Variants in SLC34A1 observed in about 807,000 individuals in gnomAD.
SLC34A1 encodes the protein sodium-dependent phosphate transport protein 2A.
A neutral mutation model predicts 51.4 loss-of-function variants in SLC34A1; 57 were observed. That is an observed-to-expected ratio of 1.11 (90% CI 0.90 to 1.38). The LOEUF is 1.38. Among genes scored for constraint, SLC34A1 ranks in the 40% most tolerant of loss-of-function variants. The pLI, the probability that SLC34A1 is intolerant of heterozygous loss-of-function variation, is 0.00. For missense variants in SLC34A1, 796 were observed against 835.6 expected (o/e 0.95, Z 0.58); for synonymous variants, 368 against 358.0 (o/e 1.03, Z -0.32).
At chr5:177,397,750 C>T (rs1763017613) in intron 12 of SLC34A1, 33 bp from the exon 13 acceptor site, 2 of 1,602,480 alleles carry the variant, frequency 1.2e-6, no homozygotes, top group South Asian at 2.2e-5. Context: ...GGAGCCAGTG[C>T]CCATCTCAGC....
At chr5:177,390,065 A>C in intron 8 of SLC34A1, 1 of 1,170,622 alleles carries the variant, frequency 8.5e-7, no homozygotes, top group Non-Finnish European at 1.1e-6. Flanking sequence ...CAAAGTGTGA[A>C]GTGCGTCCTG....
At chr5:177,397,401 C>G (rs1265743682) in intron 12 of SLC34A1, 1 of 487,790 alleles carries the variant, frequency 2.1e-6, no homozygotes, top group East Asian at 4.0e-5. Flanking sequence ...CCGCAAATGG[C>G]AAAGGGGAAT....
intron 10 of SLC34A1, among the ~76,000 whole-genome samples, chr5:177,395,805 T>C (rs1402946583): frequency 2.6e-5 from 4 of 152,234 alleles, no homozygotes; most frequent in Non-Finnish European, 5.9e-5. Context: ...AGCTAATTTT[T>C]GTATTTTTAG....
Position 177,388,499 on chromosome 5 carries a change from T to G in SLC34A1, c.936+127T>G. ...CCAGGAGAGGGCAAATATGTGGCCC[T>G]TCTACTGTGCTTACAGTTAACATTG... is the stretch of plus-strand genomic sequence containing the variant. On this transcript the variant is annotated intron_variant, in intron 8 of 12. Coordinates refer to ENST00000324417, the MANE Select transcript of SLC34A1 (RefSeq NM_003052.5). This position sits in a 1 kb window ranked among gnomAD's most constrained non-coding sequence, Gnocchi z 4.3. 2.5e-6 allele frequency: 2 copies of G among 795,962 alleles called. No individual in the cohort carries two copies. Among genetic ancestry groups the G allele is most frequent in the Non-Finnish European group, 4.3e-6 (2 of 466,706 alleles). The allele number at this position is 795,962 out of a possible 1,614,324, so 49.3% of individuals were successfully genotyped here.
Position 177,397,808 on chromosome 5 carries a change from A to C in SLC34A1, c.1442A>C (p.Asn481Thr). 6.2e-7 allele frequency: 1 copy of C among 1,612,050 alleles called. No homozygotes were observed. The highest frequency in any genetic ancestry group is 8.5e-7 in the Non-Finnish European group (1 of 1,179,984). Reference sequence around the variant, plus strand: ...ATTGCCCTCTGTCACTTCTTCTTCAACATCTCGGGTATCCTTCTGTGGTAC... The same window carrying C: ...ATTGCCCTCTGTCACTTCTTCTTCACCATCTCGGGTATCCTTCTGTGGTAC... ...FQIALCHFFF[N>T]ISGILLWYPV... Residue 481 changes from asparagine to threonine, a missense_variant, in exon 13 of 13, where the codon AAC becomes ACC. Physicochemically the swap from Asn to Thr is moderately conservative, Grantham distance 65 (BLOSUM62 0). Transcript: ENST00000324417.
chr5:177,397,050 G>T lies in SLC34A1; in HGVS notation c.1392G>T (p.Arg464Ser). Residue 464 changes from arginine to serine, a missense_variant, in exon 12 of 13, where the codon AGG becomes AGT. Physicochemically the swap from Arg to Ser is moderately radical, Grantham distance 110 (BLOSUM62 -1). Transcript: ENST00000324417. ...TAILAALASP[R>S]EKLSSAFQIA... is the part of the protein sequence containing the mutation. The stretch of plus-strand genomic sequence containing the variant: ...TCCTGGCTGCCCTGGCCAGCCCCAG[G>T]GAGAAGCTGTCCAGCGCTTTCCAGG... The T allele has an allele frequency of 1.9e-6, 3 of 1,613,802 alleles. No homozygotes were observed. The highest frequency in any genetic ancestry group is 2.5e-6 in the Non-Finnish European group (3 of 1,180,022).
In SLC34A1 at chr5:177,386,232, G is replaced by T. The variant is rs1183395809; in HGVS notation, c.271G>T (p.Val91Phe). 6.5e-7 allele frequency: 1 copy of T among 1,544,044 alleles called. No homozygotes were observed. The highest frequency in any genetic ancestry group is 8.9e-7 in the Non-Finnish European group (1 of 1,119,830). ...CTTCCCCCATCCAGAGTCCAGGCTG[G>T]TCCCCAAGCTGCGCCAGGCTGGCGC... ...EEEQKPESRLVPKLRQAGAML... is the reference protein window; with the variant it reads ...EEEQKPESRLFPKLRQAGAML... The change falls in exon 4 of 13, where the codon GTC becomes TTC. Residue 91 changes from valine to phenylalanine, a missense_variant. Coordinates refer to ENST00000324417, the MANE Select transcript of SLC34A1 (RefSeq NM_003052.5). This position sits in a 1 kb window ranked among gnomAD's most constrained non-coding sequence, Gnocchi z 4.8.
Position 177,397,987 on chromosome 5 carries a change from A to T in SLC34A1, c.1621A>T (p.Met541Leu), listed in dbSNP as rs959357802. 5.6e-6 allele frequency: 9 copies of T among 1,613,984 alleles called. No individual in the cohort carries two copies. The highest frequency in any genetic ancestry group is 7.6e-6 in the Non-Finnish European group (9 of 1,180,026). The change falls in exon 13 of 13, where the codon ATG becomes TTG. Residue 541 changes from methionine to leucine, a missense_variant. Met to Leu is a conservative substitution (Grantham distance 15). Transcript: ENST00000324417. ...CATCTCCATGGCAGGCTGGCAGGTC[A>T]TGGTAGGTGTGGGCACGCCCTTCGG... ...FGISMAGWQV[M>L]VGVGTPFGAL...
intron 10 of SLC34A1, among the ~76,000 whole-genome samples, chr5:177,395,549 C>T (rs1170164958): frequency 1.3e-5 from 2 of 152,188 alleles, no homozygotes; most frequent in African/African-American, 2.4e-5. Context: ...TCTCCAGGCT[C>T]TGCTCAGAGC....
Position 177,385,984 on chromosome 5 carries a change from T to C in SLC34A1, c.110-3T>C, listed in dbSNP as rs1256675178. 2 of 1,609,518 alleles carry C rather than the reference T, an allele frequency of 1.2e-6. No individual in the cohort carries two copies. Among genetic ancestry groups the C allele is most frequent in the Non-Finnish European group, 1.7e-6 (2 of 1,178,964 alleles). ...GGGGCTCCTGACCAGGCTCCCTCCC[T>C]AGTCCTACACAGGATCCCGGGGACC... is the stretch of plus-strand genomic sequence containing the variant. On this transcript the variant is annotated splice_polypyrimidine_tract_variant and splice_region_variant and intron_variant, in intron 2 of 12. Transcript: ENST00000324417.
rs747077250 is a variant in SLC34A1 at position 177,394,069 on chromosome 5, G to A, written c.1048G>A (p.Val350Met). ...FVDTGLPDLAVGLILLAGSLV... is the reference protein window; with the variant it reads ...FVDTGLPDLAMGLILLAGSLV... ...GGACACTGGCCTACCGGACCTGGCT[G>A]TGGGGCTCATCCTGCTGGCAGGATC... is the stretch of plus-strand genomic sequence containing the variant. Residue 350 changes from valine (V) to methionine (M), a missense_variant, in exon 10 of 13, where the codon GTG (valine) becomes ATG (methionine). Val to Met is a conservative substitution (Grantham distance 21, BLOSUM62 1). Coordinates refer to ENST00000324417, the MANE Select transcript of SLC34A1 (RefSeq NM_003052.5). 1 of 1,614,120 alleles carries A rather than the reference G, an allele frequency of 6.2e-7. No homozygotes were observed. Among genetic ancestry groups the A allele is most frequent in the African/African-American group, 1.3e-5 (1 of 75,066 alleles).
At chr5:177,393,267 A>G (rs1762862105) in intron 8 of SLC34A1, among the ~76,000 whole-genome samples, 1 of 151,978 alleles carries the variant, frequency 6.6e-6, no homozygotes. Context: ...ATGGAGCTTG[A>G]GCTAAGGGTG....
At chr5:177,394,686 GTCTTT>G (rs1762904812) in intron 10 of SLC34A1, among the ~76,000 whole-genome samples, 2 of 124,182 alleles carry the variant, frequency 1.6e-5, no homozygotes, top group Admixed American at 8.1e-5. Context: ...GTGAGACTTT[GTCTTT>G]TTTTTTTTTT....
Position 177,394,138 on chromosome 5 carries a change from C to T in SLC34A1, c.1117C>T (p.Leu373Phe). 1 of 1,614,098 alleles carries T rather than the reference C, an allele frequency of 6.2e-7. No homozygotes were observed. Among genetic ancestry groups the T allele is most frequent in the Non-Finnish European group, 8.5e-7 (1 of 1,180,030 alleles). The change falls in exon 10 of 13, where the codon CTC becomes TTC. Residue 373 changes from leucine (L) to phenylalanine (F), a missense_variant. Physicochemically the swap from Leu to Phe is conservative, Grantham distance 22 (BLOSUM62 0). Transcript: ENST00000324417. ...CTGCCTCATCCTCCTAGTCAAGATG[C>T]TCAACTCCCTGCTCAAGGGCCAAGT... The part of the protein sequence containing the change: ...CTCLILLVKM[L>F]NSLLKGQVAK...
At chr5:177,389,169 C>G (rs976364225) in intron 8 of SLC34A1, among the ~76,000 whole-genome samples, 2 of 152,282 alleles carry the variant, frequency 1.3e-5, no homozygotes, top group African/African-American at 2.4e-5. Context: ...TTATGCCAGG[C>G]TGATGAGGAA....
In SLC34A1 at chr5:177,388,706, G is replaced by T. The variant is rs560859362; in HGVS notation, c.936+334G>T. Among the ~76,000 whole-genome samples the T allele has an allele frequency of 9.2e-4, 140 of 152,088 alleles. 1 individual carries two copies. The highest frequency in any genetic ancestry group is 2.9e-4 in the Non-Finnish European group (20 of 68,028). On this transcript the variant is annotated intron_variant, in intron 8 of 12. Coordinates refer to ENST00000324417, the MANE Select transcript of SLC34A1 (RefSeq NM_003052.5). This position sits in a 1 kb window ranked among gnomAD's most constrained non-coding sequence, Gnocchi z 4.3. ...CCCTTCCCTAGACCTACTGAATCTG[G>T]AAACCCCTGGGAGCGGGGCCAATGG...
rs376807217 is a variant in SLC34A1 at position 177,394,021 on chromosome 5, C to T, written c.1007-7C>T. 1.9e-6 allele frequency: 3 copies of T among 1,613,974 alleles called. No individual in the cohort carries two copies. Among genetic ancestry groups the T allele is most frequent in the South Asian group, 1.1e-5 (1 of 91,086 alleles). On this transcript the variant is annotated splice_polypyrimidine_tract_variant and splice_region_variant and intron_variant, in intron 9 of 12. Coordinates refer to ENST00000324417, the MANE Select transcript of SLC34A1 (RefSeq NM_003052.5). ...GGGTCAGCTGTCAGGAGCTCCACCC[C>T]CTGCAGGCAACCACATCTTTGTGGA...
chr5:177,397,925 T>C lies in SLC34A1; in HGVS notation c.1559T>C (p.Leu520Pro), dbSNP rs201728701. 33 of 1,614,034 alleles carry C rather than the reference T, an allele frequency of 2.0e-5. No homozygotes were observed. In the Admixed American group the frequency reaches 4.0e-4, roughly 20 times the overall value. The change falls in exon 13 of 13, where the codon CTT becomes CCT. Residue 520 changes from leucine (L) to proline (P), a missense_variant. Physicochemically the swap from Leu to Pro is moderately conservative, Grantham distance 98. Transcript: ENST00000324417. ...CGCTGGTTTGCCGTCCTCTATCTCCTTGTCTGCTTCCTGCTGCTGCCCTCA... is the reference window on the plus strand; with the variant it reads ...CGCTGGTTTGCCGTCCTCTATCTCCCTGTCTGCTTCCTGCTGCTGCCCTCA... Reference protein sequence around the residue: ...KYRWFAVLYLLVCFLLLPSLV... With the variant: ...KYRWFAVLYLPVCFLLLPSLV...
Position 177,394,038 on chromosome 5 carries a change from C to T in SLC34A1, c.1017C>T (p.Ile339=), listed in dbSNP as rs1245195250. The change falls in exon 10 of 13, where the codon ATC becomes ATT. Residue 339 remains isoleucine, a synonymous_variant. Coordinates refer to ENST00000324417, the MANE Select transcript of SLC34A1 (RefSeq NM_003052.5). ...GNATMEKCNH[I]FVDTGLPDLA... Reference sequence around the variant, plus strand: ...CTCCACCCCCTGCAGGCAACCACATCTTTGTGGACACTGGCCTACCGGACC... The same window carrying T: ...CTCCACCCCCTGCAGGCAACCACATTTTTGTGGACACTGGCCTACCGGACC... 2 of 1,614,046 alleles carry T rather than the reference C, an allele frequency of 1.2e-6. No individual in the cohort carries two copies. Among genetic ancestry groups the T allele is most frequent in the East Asian group, 2.2e-5 (1 of 44,884 alleles).
Sources: allele counts gnomAD v4.1 joint callset (sites outside exome capture counted in the v4.1 genomes callset), GRCh38; gene constraint gnomAD v4.1.1; non-coding constraint Gnocchi (gnomAD v3.1); transcripts MANE v1.5; gene names NCBI Gene and HGNC (gene_info 2026-07-23, HGNC 2026-07-21).